TENM3: variants seen among roughly 807,000 people sequenced by gnomAD.
TENM3 encodes the protein teneurin-3.
In TENM3, 63 loss-of-function variants were observed where a neutral mutation model predicts 255.1. That is an observed-to-expected ratio of 0.25 (90% CI 0.20 to 0.30). The LOEUF is 0.30. Among genes scored for constraint, TENM3 ranks in the 10% least tolerant of loss-of-function variants. TENM3 has a pLI of 1.00. For missense variants in TENM3, 2,929 were observed against 3,461.1 expected, an observed-to-expected ratio of 0.85 and a Z score of 3.86; for synonymous variants, 1,306 against 1,322.3, an observed-to-expected ratio of 0.99 and a Z score of 0.27.
chr4:182,034,696 T>C, the TENM3 span, among the ~76,000 whole-genome samples: 2 of 152,226 alleles, frequency 1.3e-5, no homozygotes, highest in African/African-American at 4.8e-5. Context: ...TCTTTAAGAA[T>C]GTTGAATATC....
chr4:181,724,609 A>G, the TENM3 span, among the ~76,000 whole-genome samples: 4 of 152,196 alleles, frequency 2.6e-5, no homozygotes, highest in Admixed American at 2.0e-4. Context: ...TCCTTTGCCC[A>G]CACAGTGACT....
the TENM3 span, among the ~76,000 whole-genome samples, chr4:181,867,451 C>T: frequency 1.4e-4 from 22 of 152,256 alleles, no homozygotes; most frequent in African/African-American, 3.9e-4. Context: ...CCTCTTCTGC[C>T]TCCTGACTCC....
chr4:182,474,486 T>G (rs1416529987), intron 3 of TENM3, among the ~76,000 whole-genome samples: 1 of 152,148 alleles, frequency 6.6e-6, no homozygotes, highest in African/African-American at 2.4e-5. Context: ...CTAAGTATCC[T>G]TAGAGGCTAA....
the TENM3 span, among the ~76,000 whole-genome samples, chr4:181,584,777 A>G: frequency 1.3e-5 from 2 of 152,156 alleles, no homozygotes; most frequent in Non-Finnish European, 2.9e-5. Flanking sequence ...TCATTGTTTC[A>G]TTAGTAACAA....
intron 4 of TENM3, among the ~76,000 whole-genome samples, chr4:182,618,437 G>C (rs566729512): frequency 6.6e-6 from 1 of 151,986 alleles, no homozygotes; most frequent in East Asian, 1.9e-4. Context: ...CTTCTAAAAT[G>C]AACTTTGATA....
At chr4:182,667,299 T>C (rs1581259155) in intron 6 of TENM3, among the ~76,000 whole-genome samples, 1 of 152,092 alleles carries the variant, frequency 6.6e-6, no homozygotes, top group Admixed American at 6.5e-5. Flanking sequence ...CAAGTGATTC[T>C]CCTGCCTCAG....
intron 17 of TENM3, 135 bp downstream of exon 17, chr4:182,737,210 C>A: frequency 2.1e-6 from 2 of 953,066 alleles, no homozygotes; most frequent in Non-Finnish European, 3.2e-6. Flanking sequence ...GATATTATAC[C>A]TTGGCTGGTT....
At chr4:182,518,611 A>T (rs1168751949) in intron 3 of TENM3, among the ~76,000 whole-genome samples, 1 of 152,180 alleles carries the variant, frequency 6.6e-6, no homozygotes, top group Non-Finnish European at 1.5e-5. Context: ...GCTGCAAGGA[A>T]GTGAGTTCTG....
chr4:182,524,840 C>CAAAAA (rs11354238), intron 3 of TENM3, among the ~76,000 whole-genome samples: 3 of 122,914 alleles, frequency 2.4e-5, no homozygotes, highest in Non-Finnish European at 5.1e-5. Flanking sequence ...TCTGTCTCTA[C>CAAAAA]AAAAAAAAAA....
chr4:182,397,476 G>C (rs914681473), intron 3 of TENM3, among the ~76,000 whole-genome samples: 2 of 147,594 alleles, frequency 1.4e-5, no homozygotes, highest in Non-Finnish European at 3.0e-5. Context: ...AATGAATGGA[G>C]AGTCTAGGAG....
chr4:182,095,051 A>C, the TENM3 span, among the ~76,000 whole-genome samples: 5 of 152,222 alleles, frequency 3.3e-5, no homozygotes, highest in Non-Finnish European at 7.3e-5. Flanking sequence ...GATGTGGAGA[A>C]AGAAGAACCC....
chr4:182,650,065 A>G (rs1483251880), intron 5 of TENM3, among the ~76,000 whole-genome samples: 4 of 150,714 alleles, frequency 2.7e-5, no homozygotes, highest in Non-Finnish European at 5.9e-5. Context: ...AAAATAAGTC[A>G]TAATAACCAT....
At chr4:182,231,879 A>C (rs1756607928) in intron 1 of TENM3, among the ~76,000 whole-genome samples, 1 of 152,342 alleles carries the variant, frequency 6.6e-6, no homozygotes, top group Middle Eastern at 3.4e-3. Context: ...TCTGGGTGTG[A>C]GATGAATCTG....
the TENM3 span, among the ~76,000 whole-genome samples, chr4:181,536,801 G>A: frequency 6.6e-6 from 1 of 152,102 alleles, no homozygotes; most frequent in South Asian, 2.1e-4. Flanking sequence ...AGCTTTGCAT[G>A]GTAGGCACCT....
At chr4:181,737,177 A>T in the TENM3 span, among the ~76,000 whole-genome samples, 1 of 152,156 alleles carries the variant, frequency 6.6e-6, no homozygotes, top group East Asian at 1.9e-4. Flanking sequence ...AGTCTAGTAC[A>T]GATATATTGT....
At chr4:181,963,049 A>G in the TENM3 span, among the ~76,000 whole-genome samples, 1 of 152,174 alleles carries the variant, frequency 6.6e-6, no homozygotes, top group Admixed American at 6.5e-5. Flanking sequence ...TATTTTATTG[A>G]ATACTTTGAC....
At chr4:182,264,611 T>G (rs1759118661) in intron 1 of TENM3, among the ~76,000 whole-genome samples, 1 of 152,234 alleles carries the variant, frequency 6.6e-6, no homozygotes. Flanking sequence ...GCGGTCCAGG[T>G]TCAATTCCCT....
the TENM3 span, among the ~76,000 whole-genome samples, chr4:182,019,692 T>C: frequency 1.3e-5 from 2 of 152,180 alleles, no homozygotes; most frequent in Non-Finnish European, 2.9e-5. Flanking sequence ...GTTGTTCTTG[T>C]TGTTGAGACA....
chr4:182,777,535 G>A (rs994170145), intron 24 of TENM3, among the ~76,000 whole-genome samples: 5 of 139,910 alleles, frequency 3.6e-5, no homozygotes, highest in Non-Finnish European at 7.6e-5. Flanking sequence ...GTGTGTGTGT[G>A]TGTGTGTATT....
Sources: allele counts gnomAD v4.1 joint callset (sites outside exome capture counted in the v4.1 genomes callset), GRCh38; gene constraint gnomAD v4.1.1; transcripts MANE v1.5; gene names NCBI Gene and HGNC (gene_info 2026-07-23, HGNC 2026-07-21).